Variants in PCDH15 observed in about 807,000 individuals in gnomAD.
PCDH15 encodes the protein protocadherin related 15.
Under a neutral mutation model 178.5 loss-of-function variants are expected in PCDH15, and 129 were observed. The observed-to-expected ratio is 0.72, with a 90% CI of 0.63 to 0.84. The LOEUF (loss-of-function observed/expected upper bound fraction) is 0.84, where lower values mean the gene tolerates loss of function less well. Among genes scored for constraint, PCDH15 ranks in the 40% least tolerant of loss-of-function variants. The pLI, the probability that PCDH15 is intolerant of heterozygous loss-of-function variation, is 0.00. For synonymous variants in PCDH15, 800 were observed against 732.0 expected (o/e 1.09, Z -1.50); for missense variants, 2,230 against 2,099.9 (o/e 1.06, Z -1.21).
At chr10:54,673,668 C>A (rs1388098393) in intron 1 of PCDH15, among the ~76,000 whole-genome samples, 3 of 152,078 alleles carry the variant, frequency 2.0e-5, no homozygotes, top group African/African-American at 4.8e-5. Flanking sequence ...GAACTCCCGA[C>A]CTCAGATGAT....
At chr10:54,966,049 A>C (rs1254859070) in intron 2 of PCDH15, among the ~76,000 whole-genome samples, 2 of 151,834 alleles carry the variant, frequency 1.3e-5, no homozygotes, top group African/African-American at 4.8e-5. Flanking sequence ...AAATGGGAAC[A>C]AGTAAAACTG....
rs751160280 is a variant in PCDH15, at chr10:53,995,764, T to C, written c.2753A>G (p.Asp918Gly). The C allele has an allele frequency of 1.3e-5, 21 of 1,613,570 alleles. No homozygotes were observed. The South Asian group carries it at 2.3e-4, about 18-fold the overall frequency. The change falls in exon 21 of 38, where the codon GAT becomes GGT. Residue 918 changes from aspartate (D) to glycine (G), a missense_variant and splice_region_variant. By Grantham distance (94) the Asp-to-Gly change is moderately conservative. Transcript: ENST00000644397. Reference sequence around the variant, plus strand: ...AAAGACAGGAGGATAATCATTCATATCCTGTAAAACACAATTAGGAGTTTA... The same window carrying C: ...AAAGACAGGAGGATAATCATTCATACCCTGTAAAACACAATTAGGAGTTTA... ...GIATVTVIVKDMNDYPPVFSK... is the reference protein window; with the variant it reads ...GIATVTVIVKGMNDYPPVFSK...
At chr10:55,047,465 C>T (rs1841039955) in intron 2 of PCDH15, among the ~76,000 whole-genome samples, 1 of 151,792 alleles carries the variant, frequency 6.6e-6, no homozygotes, top group African/African-American at 2.4e-5. Context: ...ATATTATCCT[C>T]TGCATTTGAG....
intron 2 of PCDH15, among the ~76,000 whole-genome samples, chr10:55,357,306 T>C (rs1396913606): frequency 2.0e-5 from 3 of 151,862 alleles, no homozygotes; most frequent in African/African-American, 7.2e-5. Flanking sequence ...AAAAATAAGA[T>C]TCTAGAATAA....
At chr10:54,938,058 T>C (rs957826653) in intron 2 of PCDH15, among the ~76,000 whole-genome samples, 1 of 152,084 alleles carries the variant, frequency 6.6e-6, no homozygotes, top group Non-Finnish European at 1.5e-5. Flanking sequence ...TAAAGAGTGT[T>C]AGATTTTGTC....
chr10:53,983,438 C>T (rs1328632406), intron 21 of PCDH15, among the ~76,000 whole-genome samples: 1 of 150,668 alleles, frequency 6.6e-6, no homozygotes, highest in Non-Finnish European at 1.5e-5. Flanking sequence ...CTTCTTCCTC[C>T]CTCTTCCCTG....
chr10:54,614,553 C>T (rs1329511127), intron 2 of PCDH15, among the ~76,000 whole-genome samples: 1 of 151,986 alleles, frequency 6.6e-6, no homozygotes, highest in African/African-American at 2.4e-5. Flanking sequence ...AACTGCAAAA[C>T]TATAATTTTA....
chr10:53,945,837 G>GTATATATATATATATATA (rs56389905), intron 23 of PCDH15, among the ~76,000 whole-genome samples: 1 of 119,446 alleles, frequency 8.4e-6, no homozygotes, highest in African/African-American at 3.2e-5. Flanking sequence ...ATATTTCATT[G>GTATATATATATATATATA]TATATATATA....
chr10:54,833,195 T>C (rs990988970), intron 3 of PCDH15, among the ~76,000 whole-genome samples: 1 of 152,130 alleles, frequency 6.6e-6, no homozygotes, highest in Non-Finnish European at 1.5e-5. Flanking sequence ...AAGAAGAGTT[T>C]GGAACAGTTA....
intron 2 of PCDH15, among the ~76,000 whole-genome samples, chr10:55,392,616 G>T (rs1837822563): frequency 6.6e-6 from 1 of 151,970 alleles, no homozygotes; most frequent in Admixed American, 6.6e-5. Context: ...AAGAAATATT[G>T]CTATTTAATT....
intron 1 of PCDH15, among the ~76,000 whole-genome samples, chr10:55,250,805 G>A (rs1256700290): frequency 6.6e-6 from 1 of 151,926 alleles, no homozygotes; most frequent in African/African-American, 2.4e-5. Context: ...AAAGTGCTGG[G>A]ATTACAGGTG....
At chr10:55,062,992 T>C (rs1387787069) in intron 2 of PCDH15, among the ~76,000 whole-genome samples, 1 of 152,112 alleles carries the variant, frequency 6.6e-6, no homozygotes, top group African/African-American at 2.4e-5. Flanking sequence ...AACAACCCTA[T>C]GAAATACATA....
intron 2 of PCDH15, among the ~76,000 whole-genome samples, chr10:55,536,468 T>A (rs77769001): frequency 0.092 from 14,050 of 152,128 alleles, 787 homozygotes; most frequent in African/African-American, 0.16. Flanking sequence ...TTTCCTCTAC[T>A]GAAAAATTGA....
chr10:54,226,028 AAGAG>A (rs1234676722), intron 9 of PCDH15, among the ~76,000 whole-genome samples: 2 of 151,948 alleles, frequency 1.3e-5, no homozygotes, highest in Admixed American at 6.6e-5. Flanking sequence ...GTGAGAAAGA[AAGAG>A]AGAGAGAGAG....
chr10:55,370,552 C>A (rs888305030), intron 2 of PCDH15, among the ~76,000 whole-genome samples: 4 of 151,978 alleles, frequency 2.6e-5, no homozygotes, highest in African/African-American at 9.7e-5. Context: ...ATAAAAGTAC[C>A]CTTTCTTAAT....
At chr10:54,515,952 A>G (rs1332135506) in intron 3 of PCDH15, among the ~76,000 whole-genome samples, 5 of 152,244 alleles carry the variant, frequency 3.3e-5, no homozygotes, top group African/African-American at 7.2e-5. Flanking sequence ...TGTTAGAAGG[A>G]AAACTAACAA....
chr10:54,909,103 G>T (rs1370386651), intron 2 of PCDH15, among the ~76,000 whole-genome samples: 1 of 152,208 alleles, frequency 6.6e-6, no homozygotes, highest in African/African-American at 2.4e-5. Context: ...CAGGGCTTTT[G>T]TGGGCTTCCA....
At chr10:55,486,390 C>T in intron 2 of PCDH15, among the ~76,000 whole-genome samples, 1 of 151,682 alleles carries the variant, frequency 6.6e-6, no homozygotes, top group Admixed American at 6.6e-5. Flanking sequence ...TTTTTACATA[C>T]AACATATGTA....
At chr10:54,146,601 A>C (rs1181336365) in intron 14 of PCDH15, among the ~76,000 whole-genome samples, 1 of 151,790 alleles carries the variant, frequency 6.6e-6, no homozygotes, top group Non-Finnish European at 1.5e-5. Context: ...AAAAAAAGTA[A>C]AACAAAACAC....
Sources: allele counts gnomAD v4.1 joint callset (sites outside exome capture counted in the v4.1 genomes callset), GRCh38; gene constraint gnomAD v4.1.1; transcripts MANE v1.5; gene names NCBI Gene and HGNC (gene_info 2026-07-23, HGNC 2026-07-21).